ANKRD31: variants seen among roughly 807,000 people sequenced by gnomAD.
ANKRD31 encodes the protein ankyrin repeat domain-containing protein 31.
Under a neutral mutation model 186.0 loss-of-function variants are expected in ANKRD31, and 147 were observed. The ratio of observed to expected loss-of-function variants is 0.79; its 90% CI spans 0.69 to 0.91. ANKRD31 has a LOEUF of 0.91. Among genes scored for constraint, ANKRD31 ranks in the 40% least tolerant of loss-of-function variants. ANKRD31 has a pLI of 0.00. For synonymous variants in ANKRD31, 673 were observed against 736.4 expected (o/e 0.91, Z 1.39); for missense variants, 1,986 against 2,148.8 (o/e 0.92, Z 1.50).
intron 25 of ANKRD31, among the ~76,000 whole-genome samples, chr5:75,074,911 T>A (rs537840302): frequency 6.6e-6 from 1 of 152,204 alleles, no homozygotes; most frequent in Non-Finnish European, 1.5e-5. Context: ...TCTTCCTTTT[T>A]AAAACTTGAA....
intron 9 of ANKRD31, among the ~76,000 whole-genome samples, chr5:75,191,611 G>T (rs1391814538): frequency 6.6e-6 from 1 of 152,038 alleles, no homozygotes; most frequent in Admixed American, 6.5e-5. Flanking sequence ...TGTTTTTGAT[G>T]AGATCTCATG....
intron 25 of ANKRD31, among the ~76,000 whole-genome samples, chr5:75,070,033 T>C (rs1039468334): frequency 2.6e-5 from 4 of 152,150 alleles, no homozygotes; most frequent in Admixed American, 2.6e-4. Flanking sequence ...TCCTGGTCTT[T>C]CATGTAAATG....
chr5:75,196,113 T>A lies in ANKRD31; in HGVS notation c.535A>T (p.Thr179Ser). 5 of 1,536,024 alleles carry A rather than the reference T, an allele frequency of 3.3e-6. 1 individual carries two copies. In the South Asian group the frequency reaches 6.0e-5, roughly 18 times the overall value. ...TVSDTVAVKETSLVEPEKILA... is the reference protein window; with the variant it reads ...TVSDTVAVKESSLVEPEKILA... ...ATCTTCTCTGGCTCTACTAATGATG[T>A]CTCCTTTACAGCAACTGTATCAGAT... is the stretch of plus-strand genomic sequence containing the variant. The change falls in exon 7 of 26, where the codon ACA becomes TCA. Residue 179 changes from threonine to serine, a missense_variant. Thr to Ser is a moderately conservative substitution (Grantham distance 58, BLOSUM62 1). Transcript: ENST00000506364.
In ANKRD31 at chr5:75,143,857, A is replaced by G. The variant is rs1751231775; in HGVS notation, c.3595+144T>C. ...ATTATCAAGTGATGCCTTAACAACAAATATTGCTGAAATAGTCATATAAGT... is the reference window on the plus strand; with the variant it reads ...ATTATCAAGTGATGCCTTAACAACAGATATTGCTGAAATAGTCATATAAGT... On this transcript the variant is annotated intron_variant, in intron 15 of 25. Transcript: ENST00000506364. 7.7e-6 allele frequency: 3 copies of G among 389,220 alleles called. No homozygotes were observed. In the Admixed American group the frequency reaches 1.3e-4, roughly 17 times the overall value. 24.1% of individuals were successfully genotyped at this position (389,220 alleles called of 1,614,324 possible). A position where few individuals can be genotyped will look rare whatever the true frequency, so the allele number is the denominator to read the frequency against.
chr5:75,113,741 T>C lies in ANKRD31; in HGVS notation c.4156-1141A>G, dbSNP rs149532115. 2.6e-3 allele frequency among the ~76,000 whole-genome samples: 392 copies of C among 152,328 alleles called. 2 individuals are homozygous for C. The highest frequency in any genetic ancestry group is 8.4e-3 in the African/African-American group (349 of 41,564). ...ACCTAATTATTTGGTAAAACAGTCT[T>C]ACTGCTGTCATTTATTAAATGCATC... On this transcript the variant is annotated intron_variant, in intron 19 of 25. Transcript: ENST00000506364.
At chr5:75,084,482 G>C in intron 23 of ANKRD31, 108 bp from the exon 24 acceptor site, 2 of 873,244 alleles carry the variant, frequency 2.3e-6, no homozygotes, top group Non-Finnish European at 3.6e-6. Context: ...GTTGTATGTT[G>C]TGGATTAGCA....
chr5:75,112,469 TG>T, intron 20 of ANKRD31, 43 bp downstream of exon 20: 1 of 1,280,270 alleles, frequency 7.8e-7, no homozygotes, highest in Non-Finnish European at 1.1e-6. Flanking sequence ...AAGATGACCT[TG>T]GGTATCTGAA....
At chr5:75,197,594 T>C (rs1755552910) in intron 6 of ANKRD31, among the ~76,000 whole-genome samples, 1 of 152,162 alleles carries the variant, frequency 6.6e-6, no homozygotes, top group Admixed American at 6.6e-5. Context: ...TATAATTTTC[T>C]CAGAAAGATA....
intron 22 of ANKRD31, among the ~76,000 whole-genome samples, chr5:75,093,056 G>GAAGATATTGAT (rs1247307610): frequency 5.3e-5 from 8 of 151,924 alleles, no homozygotes; most frequent in Non-Finnish European, 1.0e-4. Flanking sequence ...GAGTATGCAA[G>GAAGATATTGAT]ACAAAGAAAA....
chr5:75,176,824 G>A (rs544156763), intron 10 of ANKRD31, among the ~76,000 whole-genome samples: 174 of 152,310 alleles, frequency 1.1e-3, no homozygotes, highest in Non-Finnish European at 2.1e-3. Context: ...AAATCAGAGT[G>A]CCTCTCCTCC....
At chr5:75,129,267 T>C (rs1400078303) in intron 17 of ANKRD31, among the ~76,000 whole-genome samples, 1 of 152,222 alleles carries the variant, frequency 6.6e-6, no homozygotes, top group Non-Finnish European at 1.5e-5. Context: ...ATGCTTCCTG[T>C]ATAGCTTGCA....
chr5:75,140,716 T>C (rs745889782), intron 15 of ANKRD31, among the ~76,000 whole-genome samples: 1 of 152,232 alleles, frequency 6.6e-6, no homozygotes, highest in African/African-American at 2.4e-5. Flanking sequence ...ATGATGCAAG[T>C]AGCCATGTTG....
intron 10 of ANKRD31, among the ~76,000 whole-genome samples, chr5:75,179,471 T>C (rs958125295): frequency 3.3e-5 from 5 of 152,194 alleles, no homozygotes; most frequent in Non-Finnish European, 5.9e-5. Flanking sequence ...TGAACATTGA[T>C]GCAAAAATCC....
intron 10 of ANKRD31, among the ~76,000 whole-genome samples, chr5:75,181,794 T>C (rs2052073226): frequency 1.3e-5 from 2 of 150,572 alleles, no homozygotes; most frequent in Non-Finnish European, 3.0e-5. Context: ...AAATGACGAG[T>C]TAATGGGTGC....
intron 11 of ANKRD31, among the ~76,000 whole-genome samples, chr5:75,157,986 C>A (rs1752308925): frequency 6.6e-6 from 1 of 152,074 alleles, no homozygotes; most frequent in Non-Finnish European, 1.5e-5. Context: ...ATAATAGAGG[C>A]AGACTACTCA....
chr5:75,167,589 T>C (rs1753019251), intron 11 of ANKRD31, among the ~76,000 whole-genome samples: 1 of 152,164 alleles, frequency 6.6e-6, no homozygotes, highest in Admixed American at 6.5e-5. Context: ...GATTGGAGGA[T>C]TGCAAGAGGG....
At chr5:75,139,422 T>G (rs1205397349) in intron 15 of ANKRD31, among the ~76,000 whole-genome samples, 1 of 152,186 alleles carries the variant, frequency 6.6e-6, no homozygotes, top group African/African-American at 2.4e-5. Flanking sequence ...CCATTTTTCT[T>G]TCACAAAATG....
At chr5:75,176,085 T>C (rs575620148) in intron 10 of ANKRD31, among the ~76,000 whole-genome samples, 2 of 152,326 alleles carry the variant, frequency 1.3e-5, no homozygotes, top group East Asian at 3.9e-4. Context: ...CAGGAGATTA[T>C]ATCCCGCACA....
chr5:75,131,257 G>A (rs911352145), intron 17 of ANKRD31, among the ~76,000 whole-genome samples: 14 of 152,246 alleles, frequency 9.2e-5, no homozygotes, highest in African/African-American at 3.1e-4. Flanking sequence ...AGGGCCCCTG[G>A]AGCGTGGCAA....
Sources: gnomAD v4.1 joint callset for allele counts (sites outside exome capture counted in the v4.1 genomes callset) on GRCh38, gnomAD v4.1.1 for gene constraint, MANE v1.5 for transcripts, NCBI Gene and HGNC (gene_info 2026-07-23, HGNC 2026-07-21) for gene names.